The following BBX variants were observed in gnomAD, a reference collection of about 807,000 sequenced individuals.
BBX encodes the protein HMG box transcription factor BBX.
A neutral mutation model predicts 100.2 loss-of-function variants in BBX; 30 were observed. The observed-to-expected ratio is 0.30, with a 90% CI of 0.22 to 0.41. The LOEUF is 0.41. Among genes scored for constraint, BBX ranks in the 10% least tolerant of loss-of-function variants. The pLI, the probability that BBX is intolerant of heterozygous loss-of-function variation, is 1.00. For missense variants in BBX, 1,023 were observed against 1,129.8 expected, an observed-to-expected ratio of 0.91 and a Z score of 1.35; for synonymous variants, 376 against 388.1, an observed-to-expected ratio of 0.97 and a Z score of 0.37.
chr3:107,717,557 C>T (rs1576480650), intron 5 of BBX, among the ~76,000 whole-genome samples: 1 of 152,162 alleles, frequency 6.6e-6, no homozygotes, highest in East Asian at 1.9e-4. Flanking sequence ...TGATTGAATA[C>T]CAGTGGAACA....
chr3:107,525,147 G>C (rs1235891299), intron 1 of BBX, among the ~76,000 whole-genome samples: 2 of 148,394 alleles, frequency 1.3e-5, no homozygotes, highest in Admixed American at 1.3e-4. Flanking sequence ...GGGGCGCCGG[G>C]GGTCCCCGGC....
intron 4 of BBX, 151 bp downstream of exon 4, chr3:107,710,773 C>T (rs2061667310): frequency 4.1e-6 from 3 of 723,280 alleles, no homozygotes; most frequent in Non-Finnish European, 6.5e-6. Flanking sequence ...ATTTTTATTC[C>T]AATTCTTGAT....
intron 3 of BBX, among the ~76,000 whole-genome samples, chr3:107,690,922 A>G (rs1315251987): frequency 1.2e-4 from 10 of 85,306 alleles, no homozygotes; most frequent in Non-Finnish European, 1.5e-4. Flanking sequence ...TTTTTTGAGA[A>G]AGAGTCTCAT....
chr3:107,780,236 C>G (rs201964380), intron 13 of BBX, among the ~76,000 whole-genome samples: 1 of 151,342 alleles, frequency 6.6e-6, no homozygotes, highest in Non-Finnish European at 1.5e-5. Context: ...AAATACCTGA[C>G]AAGCCAATAA....
At chr3:107,754,405 G>C (rs973327947) in intron 9 of BBX, among the ~76,000 whole-genome samples, 3 of 152,138 alleles carry the variant, frequency 2.0e-5, no homozygotes, top group African/African-American at 7.2e-5. Context: ...ATCTTCTAAA[G>C]GAAAAGTAAA....
At chr3:107,657,514 A>G (rs1302146761) in intron 3 of BBX, among the ~76,000 whole-genome samples, 1 of 152,148 alleles carries the variant, frequency 6.6e-6, no homozygotes, top group Non-Finnish European at 1.5e-5. Context: ...ACAGAACTTG[A>G]CAATAGACTG....
intron 10 of BBX, among the ~76,000 whole-genome samples, chr3:107,765,194 C>A (rs186451750): frequency 1.4e-3 from 206 of 152,230 alleles, no homozygotes; most frequent in Non-Finnish European, 2.4e-3. Context: ...GCATAAGGCT[C>A]CAGAGGGATG....
chr3:107,563,779 T>G (rs565364717), intron 2 of BBX, among the ~76,000 whole-genome samples: 3 of 152,332 alleles, frequency 2.0e-5, no homozygotes, highest in Admixed American at 1.3e-4. Flanking sequence ...TTACTTGCCC[T>G]TTATATCCAG....
chr3:107,547,019 A>G (rs939151481), intron 2 of BBX, among the ~76,000 whole-genome samples: 1 of 152,202 alleles, frequency 6.6e-6, no homozygotes, highest in Non-Finnish European at 1.5e-5. Context: ...TGAAAGATTA[A>G]TCAATGCTTA....
chr3:107,592,809 A>G (rs574166157), intron 2 of BBX, among the ~76,000 whole-genome samples: 4 of 152,242 alleles, frequency 2.6e-5, no homozygotes, highest in African/African-American at 4.8e-5. Flanking sequence ...ACCTCCACAC[A>G]TGTCTTAAGG....
At chr3:107,616,787 A>G (rs1278770009) in intron 2 of BBX, among the ~76,000 whole-genome samples, 1 of 152,096 alleles carries the variant, frequency 6.6e-6, no homozygotes, top group Non-Finnish European at 1.5e-5. Flanking sequence ...TATATCATCG[A>G]TAACTAGCAC....
At chr3:107,755,819 A>G (rs1489902409) in intron 10 of BBX, 141 bp downstream of exon 10, 2 of 752,714 alleles carry the variant, frequency 2.7e-6, no homozygotes, top group Non-Finnish European at 4.2e-6. Context: ...GAGAGGGTTA[A>G]CCTTTAATTT....
chr3:107,781,852 C>CA (rs2067923616), intron 13 of BBX, among the ~76,000 whole-genome samples: 1 of 152,012 alleles, frequency 6.6e-6, no homozygotes, highest in South Asian at 2.1e-4. Context: ...AGACTAAAAT[C>CA]AAAAATGGTT....
chr3:107,558,122 A>C (rs897683067), intron 2 of BBX, among the ~76,000 whole-genome samples: 1 of 152,242 alleles, frequency 6.6e-6, no homozygotes, highest in African/African-American at 2.4e-5. Flanking sequence ...GGGTTCTGCT[A>C]AAATCGAGCT....
intron 2 of BBX, among the ~76,000 whole-genome samples, chr3:107,596,941 T>A (rs776779731): frequency 4.6e-5 from 7 of 152,192 alleles, no homozygotes; most frequent in Non-Finnish European, 1.0e-4. Flanking sequence ...GTTTTGTGTG[T>A]AGAATAGACG....
chr3:107,730,669 G>A (rs981971858), intron 6 of BBX, among the ~76,000 whole-genome samples: 1 of 151,958 alleles, frequency 6.6e-6, no homozygotes, highest in Non-Finnish European at 1.5e-5. Flanking sequence ...TTTACAGATC[G>A]GTATTTAAGA....
chr3:107,609,535 A>AT (rs2054685295), intron 2 of BBX, among the ~76,000 whole-genome samples: 2 of 152,100 alleles, frequency 1.3e-5, no homozygotes, highest in Non-Finnish European at 1.5e-5. Context: ...AGACTTTATT[A>AT]TGGCTTTGAT....
intron 2 of BBX, among the ~76,000 whole-genome samples, chr3:107,624,380 G>T (rs1043675667): frequency 6.6e-6 from 1 of 150,924 alleles, no homozygotes; most frequent in Non-Finnish European, 1.5e-5. Flanking sequence ...TATTTTTTTG[G>T]AATCCTTTTT....
intron 2 of BBX, among the ~76,000 whole-genome samples, chr3:107,604,537 C>T (rs1471274179): frequency 2.6e-5 from 4 of 152,052 alleles, no homozygotes; most frequent in African/African-American, 9.7e-5. Context: ...GCAGAGGATG[C>T]AGAGAATACA....
Sources: allele counts gnomAD v4.1 joint callset (sites outside exome capture counted in the v4.1 genomes callset), GRCh38; gene constraint gnomAD v4.1.1; transcripts MANE v1.5; gene names NCBI Gene and HGNC (gene_info 2026-07-23, HGNC 2026-07-21).